C7: variants seen among roughly 807,000 people sequenced by gnomAD.
C7 encodes complement component C7.
In C7, 83 loss-of-function variants were observed where a neutral mutation model predicts 104.8. The observed-to-expected ratio is 0.79, with a 90% CI of 0.66 to 0.95. The LOEUF (loss-of-function observed/expected upper bound fraction) is 0.95, where lower values mean the gene tolerates loss of function less well. Among genes scored for constraint, C7 ranks in the 40% least tolerant of loss-of-function variants. The pLI, the probability that C7 is intolerant of heterozygous loss-of-function variation, is 0.00. For missense variants in C7, 1,070 were observed against 1,011.2 expected (o/e 1.06, Z -0.79); for synonymous variants, 415 against 360.6 (o/e 1.15, Z -1.71).
At chr5:40,937,436 G>T in intron 5 of C7, 116 bp from the exon 6 acceptor site, 2 of 970,396 alleles carry the variant, frequency 2.1e-6, no homozygotes, top group Non-Finnish European at 3.0e-6. Flanking sequence ...GTGTTTAAGT[G>T]TAATGCATTT....
intron 1 of C7, among the ~76,000 whole-genome samples, chr5:40,921,255 GA>G (rs2111623208): frequency 6.6e-6 from 1 of 152,012 alleles, no homozygotes; most frequent in Admixed American, 6.6e-5. Flanking sequence ...TTTAATCAAA[GA>G]AGTTAAAGAT....
chr5:40,980,123 G>A, intron 17 of C7: 1 of 388,450 alleles, frequency 2.6e-6, no homozygotes, highest in Non-Finnish European at 4.5e-6. Flanking sequence ...CCACATTCCT[G>A]ATGTGGAAAT....
chr5:40,948,821 A>G (rs887150630), intron 8 of C7, among the ~76,000 whole-genome samples: 2 of 152,144 alleles, frequency 1.3e-5, no homozygotes, highest in Non-Finnish European at 2.9e-5. Flanking sequence ...ATTCTGTTAC[A>G]ACCTTGGAGA....
chr5:40,922,871 A>G (rs1739470268), intron 1 of C7, among the ~76,000 whole-genome samples: 1 of 152,200 alleles, frequency 6.6e-6, no homozygotes. Flanking sequence ...ATTATGAAAC[A>G]ACTAGAAGAA....
At position 40,955,498 on chromosome 5, in the gene C7, G is replaced by T. The variant is rs753530114; in HGVS notation, c.1205G>T (p.Arg402Leu). The stretch of plus-strand genomic sequence containing the variant: ...GACAATCCTGCTGGAAACAAAAGGC[G>T]ATATTCTGCCTGGGCAGAATCTGTG... ...ELDNPAGNKR[R>L]YSAWAESVTN... is the part of the protein sequence containing the mutation. The change falls in exon 10 of 18, where the codon CGA (arginine) becomes CTA (leucine). Residue 402 changes from arginine to leucine, a missense_variant. Transcript: ENST00000313164. 1.9e-6 allele frequency: 3 copies of T among 1,613,478 alleles called. No individual in the cohort carries two copies. The highest frequency in any genetic ancestry group is 3.3e-5 in the Admixed American group (2 of 59,974).
At position 40,947,533 on chromosome 5, in the gene C7, CAG is replaced by C. The variant is rs1218723146; in HGVS notation, c.739-65_739-64del. The C allele has an allele frequency of 2.6e-6, 4 of 1,541,622 alleles. No homozygotes were observed. The African/African-American group carries it at 5.4e-5, about 21-fold the overall frequency. The stretch of plus-strand genomic sequence containing the variant: ...GATGAGAGCTGATGAAGGTATTGAA[CAG>C]AGAACTATTTCCATTGCCTTTTTAT... On this transcript the variant is annotated intron_variant, in intron 7 of 17. Transcript: ENST00000313164.
intron 14 of C7, among the ~76,000 whole-genome samples, chr5:40,968,590 ATATATATATATTTTTTTTTTT>A (rs1740617602): frequency 1.4e-3 from 61 of 43,786 alleles, no homozygotes; most frequent in African/African-American, 4.8e-3. Flanking sequence ...ATATATATAT[ATATATATATATTTTTTTTTTT>A]TTTTTTTTTT....
At position 40,979,368 on chromosome 5, in the gene C7, T is replaced by A. The variant is rs144663254; in HGVS notation, c.2166-357T>A. Reference sequence around the variant, plus strand: ...ATGGTCCCATTTGACTATGATCACATTGAATGCTTGGTCTCCACTGGCTTT... The same window carrying A: ...ATGGTCCCATTTGACTATGATCACAATGAATGCTTGGTCTCCACTGGCTTT... On this transcript the variant is annotated intron_variant, in intron 16 of 17. Transcript: ENST00000313164. Among the ~76,000 whole-genome samples, 394 of 152,276 alleles carry A rather than the reference T, an allele frequency of 2.6e-3. 1 individual carries two copies. Among genetic ancestry groups the A allele is most frequent in the African/African-American group, 8.9e-3 (370 of 41,568 alleles).
chr5:40,922,358 G>A (rs1262676737), intron 1 of C7, among the ~76,000 whole-genome samples: 36 of 106,662 alleles, frequency 3.4e-4, no homozygotes, highest in Admixed American at 5.1e-4. Context: ...CTGGGCAACA[G>A]AGTGAGACTC....
intron 3 of C7, among the ~76,000 whole-genome samples, chr5:40,934,057 T>C (rs529167978): frequency 6.6e-5 from 10 of 152,102 alleles, no homozygotes; most frequent in Non-Finnish European, 1.2e-4. Flanking sequence ...TCATTTTTTT[T>C]TTTTTGCATT....
At chr5:40,914,773 T>C (rs190444006) in intron 1 of C7, among the ~76,000 whole-genome samples, 1 of 152,198 alleles carries the variant, frequency 6.6e-6, no homozygotes, top group African/African-American at 2.4e-5. Flanking sequence ...GAATACAAGA[T>C]TGTGCATCGG....
intron 7 of C7, among the ~76,000 whole-genome samples, 160 bp downstream of exon 7, chr5:40,945,528 G>A (rs1480955344): frequency 6.6e-6 from 1 of 151,904 alleles, no homozygotes; most frequent in African/African-American, 2.4e-5. Context: ...TCTCTAAAAG[G>A]TACAATATTG....
At chr5:40,962,011 A>G (rs1561254275) in intron 12 of C7, 74 bp from the exon 13 acceptor site, 1 of 706,348 alleles carries the variant, frequency 1.4e-6, no homozygotes. Flanking sequence ...TACAAAGGAG[A>G]AATCCAACGT....
intron 6 of C7, among the ~76,000 whole-genome samples, chr5:40,942,613 A>G (rs1561245790): frequency 2.6e-5 from 4 of 152,180 alleles, no homozygotes; most frequent in Non-Finnish European, 4.4e-5. Context: ...AAAATTTTGC[A>G]GAATTTAAAA....
chr5:40,947,161 G>A (rs968051039), intron 7 of C7, among the ~76,000 whole-genome samples: 4 of 145,844 alleles, frequency 2.7e-5, no homozygotes, highest in African/African-American at 1.0e-4. Context: ...GTGCAGTGGT[G>A]TGATCACGGC....
chr5:40,938,601 A>G (rs1219176288), intron 6 of C7, among the ~76,000 whole-genome samples: 6 of 152,192 alleles, frequency 3.9e-5, no homozygotes, highest in Admixed American at 2.0e-4. Context: ...AGTATCCAAA[A>G]TGGCTGGATC....
chr5:40,958,045 T>C lies in C7; in HGVS notation c.1273T>C (p.Tyr425His), dbSNP rs1344296998. The C allele has an allele frequency of 6.2e-7, 1 of 1,611,584 alleles. No individual in the cohort carries two copies. Among genetic ancestry groups the C allele is most frequent in the Non-Finnish European group, 8.5e-7 (1 of 1,178,030 alleles). Residue 425 changes from tyrosine (Y) to histidine (H), a missense_variant, in exon 11 of 18, where the codon TAT (tyrosine) becomes CAT (histidine). Physicochemically the swap from Tyr to His is moderately conservative, Grantham distance 83. Transcript: ENST00000313164. Reference protein sequence around the residue: ...QVIKQKLTPLYELVKEVPCAS... With the variant: ...QVIKQKLTPLHELVKEVPCAS... Reference sequence around the variant, plus strand: ...TTTATCTCTATAGCTGACACCTTTATATGAGCTGGTAAAGGAAGTACCTTG... The same window carrying C: ...TTTATCTCTATAGCTGACACCTTTACATGAGCTGGTAAAGGAAGTACCTTG...
intron 7 of C7, among the ~76,000 whole-genome samples, chr5:40,945,579 C>A (rs1740028979): frequency 6.6e-6 from 1 of 151,990 alleles, no homozygotes; most frequent in Non-Finnish European, 1.5e-5. Context: ...TTTATACTGG[C>A]CAGGCACAGT....
At chr5:40,971,775 G>A (rs1740701976) in intron 14 of C7, among the ~76,000 whole-genome samples, 1 of 152,084 alleles carries the variant, frequency 6.6e-6, no homozygotes, top group Non-Finnish European at 1.5e-5. Flanking sequence ...AAGGTATAAG[G>A]AAGGGGTCCA....
Sources: gnomAD v4.1 joint callset for allele counts (sites outside exome capture counted in the v4.1 genomes callset) on GRCh38, gnomAD v4.1.1 for gene constraint, MANE v1.5 for transcripts, NCBI Gene and HGNC (gene_info 2026-07-23, HGNC 2026-07-21) for gene names.